TMEM221: variants seen among roughly 807,000 people sequenced by gnomAD.
The protein encoded by TMEM221 is transmembrane protein 221, also known as Putative transmembrane protein ENSP00000342162.
In TMEM221, 11 loss-of-function variants were observed where a neutral mutation model predicts 10.2. The ratio of observed to expected loss-of-function variants is 1.08; its 90% CI spans 0.68 to 1.79. TMEM221 has a LOEUF of 1.79. TMEM221 is among the 40% of genes most tolerant of loss of function. The pLI is 0.00. For synonymous variants in TMEM221, 172 were observed against 199.8 expected, an observed-to-expected ratio of 0.86 and a Z score of 1.18; for missense variants, 382 against 417.7, an observed-to-expected ratio of 0.91 and a Z score of 0.75.
chr19:17,435,606 C>CATT lies in TMEM221; in HGVS notation c.*851_*852insAAT, dbSNP rs2074904646. ...GAGCCCCAGAAACTACCCATGCCTA[C>CATT]ACCCCAAAAGCAGCAGCAGCATGAG... On this transcript the variant is annotated 3_prime_UTR_variant, in exon 3 of 3. Transcript: ENST00000341130. 6.6e-6 allele frequency: 1 copy of CATT among 152,334 alleles called. No homozygotes were observed. The highest frequency in any genetic ancestry group is 2.4e-5 in the African/African-American group (1 of 41,456). The allele number at this position is 152,334 out of a possible 1,614,324, so 9.4% of individuals were successfully genotyped here. A position where few individuals can be genotyped will look rare whatever the true frequency, so the allele number is the denominator to read the frequency against.
chr19:17,448,528 T>A lies in TMEM221; in HGVS notation c.-66A>T. ...GAAGTGGTTTTAGAGGGCAGGGGAG[T>A]TGGGGGGAATCCGAGGGTCCTCAGG... is the stretch of plus-strand genomic sequence containing the variant. On this transcript the variant is annotated 5_prime_UTR_variant, in exon 1 of 3. Coordinates refer to ENST00000341130, the MANE Select transcript of TMEM221 (RefSeq NM_001190844.2). This position sits in a 1 kb window ranked among gnomAD's most constrained non-coding sequence, Gnocchi z 4.7. The A allele has an allele frequency of 1.6e-6, 2 of 1,285,104 alleles. No homozygotes were observed. The highest frequency in any genetic ancestry group is 1.0e-6 in the Non-Finnish European group (1 of 996,036). 79.6% of individuals were successfully genotyped at this position (1,285,104 alleles called of 1,614,324 possible). A position where few individuals can be genotyped will look rare whatever the true frequency, so the allele number is the denominator to read the frequency against.
rs1052830503 is a variant in TMEM221, at chr19:17,436,721, T to C, written c.613A>G (p.Ser205Gly). ...CCCTGCTGAGGCTGAGCTCTGGGGC[T>C]GGCCTTGGAGACTTCGGCAGGGCGG... is the stretch of plus-strand genomic sequence containing the variant. ...LARPAEVSKA[S>G]PRAQPQQGIH... Residue 205 changes from serine to glycine, a missense_variant, in exon 3 of 3, where the codon AGC becomes GGC. Ser to Gly is a moderately conservative substitution (Grantham distance 56, BLOSUM62 0). Transcript: ENST00000341130. 4.2e-5 allele frequency: 64 copies of C among 1,531,736 alleles called. No homozygotes were observed. Among genetic ancestry groups the C allele is most frequent in the Non-Finnish European group, 5.3e-5 (61 of 1,144,146 alleles). The allele number at this position is 1,531,736 out of a possible 1,614,324, so 94.9% of individuals were successfully genotyped here. A position where few individuals can be genotyped will look rare whatever the true frequency, so the allele number is the denominator to read the frequency against.
In TMEM221 at chr19:17,436,455, G is replaced by T; in HGVS notation, c.*3C>A. On this transcript the variant is annotated 3_prime_UTR_variant, in exon 3 of 3. Coordinates refer to ENST00000341130, the MANE Select transcript of TMEM221 (RefSeq NM_001190844.2). ...ACCAGGTCTCTATTCCTCATCCCTGGGCTCACACCAGTGTGGAGTCCTTCC... is the reference window on the plus strand; with the variant it reads ...ACCAGGTCTCTATTCCTCATCCCTGTGCTCACACCAGTGTGGAGTCCTTCC... 6.7e-7 allele frequency: 1 copy of T among 1,501,664 alleles called. No homozygotes were observed. The highest frequency in any genetic ancestry group is 2.5e-5 in the East Asian group (1 of 40,218). The allele number at this position is 1,501,664 out of a possible 1,614,324, so 93.0% of individuals were successfully genotyped here.
intron 2 of TMEM221, among the ~76,000 whole-genome samples, chr19:17,441,284 C>G (rs1292149965): frequency 2.6e-5 from 4 of 151,446 alleles, no homozygotes; most frequent in African/African-American, 9.7e-5. Flanking sequence ...CTCCAGCATA[C>G]AGTTGGCACC....
In TMEM221 at chr19:17,448,255, G is replaced by T; in HGVS notation, c.208C>A (p.Leu70Met). 4.7e-6 allele frequency: 6 copies of T among 1,276,882 alleles called. No individual in the cohort carries two copies. The highest frequency in any genetic ancestry group is 5.9e-6 in the Non-Finnish European group (6 of 1,012,956). The allele number at this position is 1,276,882 out of a possible 1,614,324, so 79.1% of individuals were successfully genotyped here. The change falls in exon 1 of 3, where the codon CTG becomes ATG. Residue 70 changes from leucine (L) to methionine (M), a missense_variant. Transcript: ENST00000341130. This position sits in a 1 kb window ranked among gnomAD's most constrained non-coding sequence, Gnocchi z 4.7. ...PEDAAGTLLP[L>M]AAALAALVLV... The stretch of plus-strand genomic sequence containing the variant: ...ACCAGCGCGGCCAGCGCGGCGGCCA[G>T]CGGCAGCAGCGTCCCGGCCGCGTCC...
At chr19:17,437,862 T>A (rs979092072) in intron 2 of TMEM221, among the ~76,000 whole-genome samples, 7 of 150,570 alleles carry the variant, frequency 4.6e-5, no homozygotes, top group African/African-American at 1.7e-4. Context: ...CAGAAAGGGG[T>A]GTGGGTCTTC....
chr19:17,439,206 C>CAAAA (rs35872715), intron 2 of TMEM221, among the ~76,000 whole-genome samples: 8 of 111,462 alleles, frequency 7.2e-5, no homozygotes, highest in Admixed American at 1.0e-4. Flanking sequence ...GACTCCATCT[C>CAAAA]AAAAAAAAAA....
chr19:17,441,597 T>C (rs958861451), intron 2 of TMEM221, among the ~76,000 whole-genome samples: 9 of 152,212 alleles, frequency 5.9e-5, no homozygotes, highest in African/African-American at 2.2e-4. Context: ...GAATATTACA[T>C]GGCCCAAGCT....
chr19:17,436,592 T>C lies in TMEM221; in HGVS notation c.742A>G (p.Ser248Gly), dbSNP rs1334624876. 6.5e-7 allele frequency: 1 copy of C among 1,536,066 alleles called. No individual in the cohort carries two copies. The highest frequency in any genetic ancestry group is 1.7e-4 in the Middle Eastern group (1 of 5,982). The change falls in exon 3 of 3, where the codon AGC becomes GGC. Residue 248 changes from serine (S) to glycine (G), a missense_variant. Physicochemically the swap from Ser to Gly is moderately conservative, Grantham distance 56. Coordinates refer to ENST00000341130, the MANE Select transcript of TMEM221 (RefSeq NM_001190844.2). The stretch of plus-strand genomic sequence containing the variant: ...TGCATTCTGGATGCAGGCAGGCTGC[T>C]CTCCCAGCCTCCCTCCAGGGCTGCA... Reference protein sequence around the residue: ...APAALEGGWESSLPASRMHRT... With the variant: ...APAALEGGWEGSLPASRMHRT...
Position 17,436,281 on chromosome 19 carries a change from G to A in TMEM221, c.*177C>T. ...GCCTCTGACTTTCCCTCAGAATGAG[G>A]AGGTGAAGGCTGGAGCTCTGGCAAT... On this transcript the variant is annotated 3_prime_UTR_variant, in exon 3 of 3. Coordinates refer to ENST00000341130, the MANE Select transcript of TMEM221 (RefSeq NM_001190844.2). 6 of 610,870 alleles carry A rather than the reference G, an allele frequency of 9.8e-6. No homozygotes were observed. The highest frequency in any genetic ancestry group is 1.6e-5 in the Non-Finnish European group (6 of 366,512). 37.8% of individuals were successfully genotyped at this position (610,870 alleles called of 1,614,324 possible).
At chr19:17,444,349 C>T (rs2074943797) in intron 2 of TMEM221, among the ~76,000 whole-genome samples, 1 of 151,666 alleles carries the variant, frequency 6.6e-6, no homozygotes, top group Non-Finnish European at 1.5e-5. Flanking sequence ...CCTCAAAGTG[C>T]TGGGATTACA....
In TMEM221 at chr19:17,448,406, C is replaced by A. The variant is rs1161043072; in HGVS notation, c.57G>T (p.Ala19=). 5 of 1,464,796 alleles carry A rather than the reference C, an allele frequency of 3.4e-6. No homozygotes were observed. Among genetic ancestry groups the A allele is most frequent in the Non-Finnish European group, 4.5e-6 (5 of 1,114,156 alleles). The allele number at this position is 1,464,796 out of a possible 1,614,324, so 90.7% of individuals were successfully genotyped here. A position where few individuals can be genotyped will look rare whatever the true frequency, so the allele number is the denominator to read the frequency against. ...CGCCCAGCGCCGCCAGCACGGCCGC[C>A]GCGATGCCCAGCAGGGTCATTGCAG... The part of the protein sequence containing the change: ...VLAAMTLLGI[A]AAVLAALGAQ... The change falls in exon 1 of 3, where the codon GCG becomes GCT. Residue 19 remains alanine, a synonymous_variant. Coordinates refer to ENST00000341130, the MANE Select transcript of TMEM221 (RefSeq NM_001190844.2). This position sits in a 1 kb window ranked among gnomAD's most constrained non-coding sequence, Gnocchi z 4.7.
rs551356819 is a variant in TMEM221 at position 17,442,381 on chromosome 19, C to T, written c.406+2818G>A. Among the ~76,000 whole-genome samples the T allele has an allele frequency of 8.0e-4, 121 of 151,958 alleles. 2 individuals carry two copies. The highest frequency in any genetic ancestry group is 1.9e-4 in the East Asian group (1 of 5,170). Reference sequence around the variant, plus strand: ...CAAGCGATCCTCCTGCCTTCAGCCTCCTGAGTAGCTGGGTCTACAGGCATG... The same window carrying T: ...CAAGCGATCCTCCTGCCTTCAGCCTTCTGAGTAGCTGGGTCTACAGGCATG... On this transcript the variant is annotated intron_variant, in intron 2 of 2. Coordinates refer to ENST00000341130, the MANE Select transcript of TMEM221 (RefSeq NM_001190844.2).
chr19:17,441,722 T>A (rs2074932669), intron 2 of TMEM221, among the ~76,000 whole-genome samples: 1 of 152,132 alleles, frequency 6.6e-6, no homozygotes, highest in South Asian at 2.1e-4. Context: ...GGGGACTTTT[T>A]TTTTTGGCAC....
intron 2 of TMEM221, among the ~76,000 whole-genome samples, chr19:17,440,446 C>T (rs1464744457): frequency 6.6e-6 from 1 of 151,990 alleles, no homozygotes; most frequent in Non-Finnish European, 1.5e-5. Context: ...AGGATGGTCT[C>T]GATCTCCTGA....
At chr19:17,440,225 T>C (rs2074926451) in intron 2 of TMEM221, among the ~76,000 whole-genome samples, 1 of 28,668 alleles carries the variant, frequency 3.5e-5, no homozygotes, top group Non-Finnish European at 1.4e-4. Flanking sequence ...AAATGGTATT[T>C]TTTTTTTTTT....
chr19:17,436,722 G>A lies in TMEM221; in HGVS notation c.612C>T (p.Ala204=). The A allele has an allele frequency of 6.5e-7, 1 of 1,529,606 alleles. No individual in the cohort carries two copies. Among genetic ancestry groups the A allele is most frequent in the Non-Finnish European group, 8.8e-7 (1 of 1,142,646 alleles). The allele number at this position is 1,529,606 out of a possible 1,614,324, so 94.8% of individuals were successfully genotyped here. A position where few individuals can be genotyped will look rare whatever the true frequency, so the allele number is the denominator to read the frequency against. ...DLARPAEVSK[A]SPRAQPQQGI... ...CCTGCTGAGGCTGAGCTCTGGGGCTGGCCTTGGAGACTTCGGCAGGGCGGG... is the reference window on the plus strand; with the variant it reads ...CCTGCTGAGGCTGAGCTCTGGGGCTAGCCTTGGAGACTTCGGCAGGGCGGG... Residue 204 remains alanine (A), a synonymous_variant, in exon 3 of 3, where the codon GCC becomes GCT. Transcript: ENST00000341130.
rs202107686 is a variant in TMEM221 at position 17,437,819 on chromosome 19, T to TG, written c.407-893dup. Among the ~76,000 whole-genome samples, 815 of 150,088 alleles carry TG rather than the reference T, an allele frequency of 5.4e-3. 6 individuals carry two copies. Among genetic ancestry groups the TG allele is most frequent in the African/African-American group, 0.019 (776 of 40,902 alleles). The stretch of plus-strand genomic sequence containing the variant: ...AGAGATGGAGGAGTTAAGGAAGGAG[T>TG]GGATGTTGGGGACCAGATGAGGGTG... On this transcript the variant is annotated intron_variant, in intron 2 of 2. Transcript: ENST00000341130.
chr19:17,445,532 A>C (rs1245002565), intron 1 of TMEM221, among the ~76,000 whole-genome samples: 1 of 152,034 alleles, frequency 6.6e-6, no homozygotes, highest in Non-Finnish European at 1.5e-5. Context: ...CCATCCATCC[A>C]TCTATCCACC....
Sources: allele counts gnomAD v4.1 joint callset (sites outside exome capture counted in the v4.1 genomes callset), GRCh38; gene constraint gnomAD v4.1.1; non-coding constraint Gnocchi (gnomAD v3.1); transcripts MANE v1.5; gene names NCBI Gene and HGNC (gene_info 2026-07-23, HGNC 2026-07-21).